Variants in PAQR5 observed in about 807,000 individuals in gnomAD.
The protein encoded by PAQR5 is progestin and adipoQ receptor family member 5.
A neutral mutation model predicts 34.5 loss-of-function variants in PAQR5; 20 were observed. The observed-to-expected ratio is 0.58, with a 90% CI of 0.41 to 0.84. The LOEUF (loss-of-function observed/expected upper bound fraction) is 0.84, where lower values mean the gene tolerates loss of function less well. PAQR5 is among the 40% of genes least tolerant of loss of function. The probability of loss-of-function intolerance (pLI) is 0.00; values close to 1 mark genes in which losing one functional copy is unlikely to be tolerated. For missense variants in PAQR5, 378 were observed against 412.7 expected (o/e 0.92, Z 0.73); for synonymous variants, 131 against 155.6 (o/e 0.84, Z 1.18).
intron 3 of PAQR5, among the ~76,000 whole-genome samples, chr15:69,374,645 C>G (rs1438606093): frequency 6.6e-6 from 1 of 152,164 alleles, no homozygotes; most frequent in East Asian, 1.9e-4. Flanking sequence ...CCACTGCACT[C>G]CAGCCTGGGC....
rs2054143067 is a variant in PAQR5 at position 69,322,762 on chromosome 15, A to AAGG, written c.-276-14577_-276-14576insGAG. On this transcript the variant is annotated intron_variant, in intron 1 of 8. Transcript: ENST00000395407. ...GAAGAAGAAGAAGAAGAAGAAGAAG[A>AAGG]AGAAGAAGAGGGAGAAGAAGAAGAC... Among the ~76,000 whole-genome samples the AAGG allele has an allele frequency of 4.3e-5, 2 of 46,860 alleles. 1 individual carries two copies. Among genetic ancestry groups the AAGG allele is most frequent in the African/African-American group, 1.4e-4 (2 of 13,958 alleles). 30.7% of individuals were successfully genotyped at this position (46,860 alleles called of 152,430 possible).
chr15:69,334,545 T>G (rs1276226775), intron 1 of PAQR5, among the ~76,000 whole-genome samples: 4 of 152,220 alleles, frequency 2.6e-5, no homozygotes, highest in Non-Finnish European at 4.4e-5. Flanking sequence ...CCAGCTATGC[T>G]AAGAGTCAGA....
chr15:69,346,911 G>A (rs2054790308), intron 2 of PAQR5, among the ~76,000 whole-genome samples: 1 of 152,004 alleles, frequency 6.6e-6, no homozygotes, highest in Non-Finnish European at 1.5e-5. Flanking sequence ...CCGCCTCCTG[G>A]ATTCAAGCAA....
chr15:69,302,363 A>G (rs12439541), intron 1 of PAQR5, among the ~76,000 whole-genome samples: 6,179 of 152,064 alleles, frequency 0.041, 185 homozygotes, highest in East Asian at 0.14. Context: ...GTGATCCACC[A>G]TGCCCAGCCA....
chr15:69,387,014 T>C (rs3784360), intron 5 of PAQR5, among the ~76,000 whole-genome samples: 127,722 of 151,680 alleles, frequency 0.84, 55,337 homozygotes, highest in Non-Finnish European at 0.96. Flanking sequence ...TAAGGCCAGG[T>C]GACTTCTCTC....
intron 3 of PAQR5, among the ~76,000 whole-genome samples, chr15:69,362,165 A>C (rs1030838192): frequency 1.3e-5 from 2 of 152,222 alleles, no homozygotes; most frequent in Non-Finnish European, 2.9e-5. Flanking sequence ...CAACCCTGGC[A>C]GAGGCTAAGG....
At chr15:69,306,156 G>C (rs922901317) in intron 1 of PAQR5, among the ~76,000 whole-genome samples, 3 of 152,066 alleles carry the variant, frequency 2.0e-5, no homozygotes, top group Non-Finnish European at 2.9e-5. Context: ...TGCATGGAGT[G>C]GGGTGTGGGC....
In PAQR5 at chr15:69,306,412, C is replaced by CTT. The variant is rs34752383; in HGVS notation, c.-277+7372_-277+7373dup. Among the ~76,000 whole-genome samples the CTT allele has an allele frequency of 6.3e-3, 799 of 127,600 alleles. 16 individuals carry two copies. Among genetic ancestry groups the CTT allele is most frequent in the Non-Finnish European group, 8.7e-3 (545 of 62,338 alleles). 83.7% of individuals were successfully genotyped at this position (127,600 alleles called of 152,430 possible). ...AACCATTTAAAATTTACCATTTAAC[C>CTT]TTTTTTTTTTTTTTTTTGATACGGA... On this transcript the variant is annotated intron_variant, in intron 1 of 8. Coordinates refer to ENST00000395407, the MANE Select transcript of PAQR5 (RefSeq NM_017705.4).
At chr15:69,300,916 TC>T (rs1407554013) in intron 1 of PAQR5, among the ~76,000 whole-genome samples, 973 of 10,040 alleles carry the variant, frequency 0.097, 309 homozygotes, top group African/African-American at 0.14. Flanking sequence ...TTCCTTCCTT[TC>T]TCTCTCTCTC....
chr15:69,332,483 G>A (rs533170135), intron 1 of PAQR5, among the ~76,000 whole-genome samples: 1 of 152,246 alleles, frequency 6.6e-6, no homozygotes, highest in South Asian at 2.1e-4. Flanking sequence ...TTTTTCTTGA[G>A]CAGTTAAAAG....
intron 1 of PAQR5, among the ~76,000 whole-genome samples, chr15:69,324,397 G>C (rs2054199971): frequency 6.6e-6 from 1 of 152,170 alleles, no homozygotes; most frequent in Non-Finnish European, 1.5e-5. Flanking sequence ...TCTTTATTGA[G>C]TCCTTGTCAT....
At chr15:69,386,229 T>C (rs536498874) in intron 5 of PAQR5, among the ~76,000 whole-genome samples, 8 of 148,542 alleles carry the variant, frequency 5.4e-5, no homozygotes, top group African/African-American at 1.5e-4. Flanking sequence ...CACTCTCACA[T>C]ACATCACACA....
chr15:69,363,982 A>C (rs757069246), intron 3 of PAQR5, among the ~76,000 whole-genome samples: 1 of 152,138 alleles, frequency 6.6e-6, no homozygotes, highest in African/African-American at 2.4e-5. Context: ...CTACACAGAG[A>C]GGAAAAGCAA....
Position 69,385,555 on chromosome 15 carries a change from C to T in PAQR5, c.385+673C>T, listed in dbSNP as rs1477077414. Among the ~76,000 whole-genome samples the T allele has an allele frequency of 1.3e-5, 2 of 152,148 alleles. No homozygotes were observed. Among genetic ancestry groups the T allele is most frequent in the Non-Finnish European group, 2.9e-5 (2 of 68,026 alleles). On this transcript the variant is annotated intron_variant, in intron 5 of 8. Transcript: ENST00000395407. This position sits in a 1 kb window ranked among gnomAD's most constrained non-coding sequence, Gnocchi z 4.7. ...CCCTCTTCCTTGTCTTTTTCTTTGA[C>T]TATGATGCTCCCTCCTCTGGCCTCT...
intron 1 of PAQR5, among the ~76,000 whole-genome samples, chr15:69,307,166 C>T (rs1326700992): frequency 3.3e-5 from 5 of 151,404 alleles, no homozygotes; most frequent in Non-Finnish European, 5.9e-5. Context: ...ACGATCTCGG[C>T]TTGTTGCACC....
chr15:69,342,216 A>G (rs1188131748), intron 2 of PAQR5, among the ~76,000 whole-genome samples: 1 of 151,972 alleles, frequency 6.6e-6, no homozygotes, highest in East Asian at 1.9e-4. Context: ...TGCTTCCCTA[A>G]TGACTAGTGG....
At chr15:69,375,397 A>G (rs1396488503) in intron 3 of PAQR5, among the ~76,000 whole-genome samples, 2 of 152,186 alleles carry the variant, frequency 1.3e-5, no homozygotes, top group Non-Finnish European at 2.9e-5. Flanking sequence ...ATGCAGTTGC[A>G]TCTGAGGTCC....
chr15:69,378,264 T>TA (rs71149912), intron 3 of PAQR5, among the ~76,000 whole-genome samples: 2,003 of 59,686 alleles, frequency 0.034, 223 homozygotes, highest in Middle Eastern at 0.081. Context: ...GACTCCATCT[T>TA]AAAAAAAAAA....
intron 3 of PAQR5, among the ~76,000 whole-genome samples, chr15:69,371,578 T>C (rs1208352856): frequency 2.0e-5 from 3 of 152,146 alleles, no homozygotes; most frequent in Non-Finnish European, 4.4e-5. Context: ...CAGTCTACAG[T>C]GTCCGGAGAA....
Sources: allele counts gnomAD v4.1 joint callset (sites outside exome capture counted in the v4.1 genomes callset), GRCh38; gene constraint gnomAD v4.1.1; non-coding constraint Gnocchi (gnomAD v3.1); transcripts MANE v1.5; gene names NCBI Gene and HGNC (gene_info 2026-07-23, HGNC 2026-07-21).